Variants in L3MBTL3 observed in about 807,000 individuals in gnomAD.
L3MBTL3 encodes L3MBTL histone methyl-lysine binding protein 3, also known as lethal(3)malignant brain tumor-like protein 3.
In L3MBTL3, 27 loss-of-function variants were observed where a neutral mutation model predicts 102.3. That is an observed-to-expected ratio of 0.26 (90% CI 0.19 to 0.36). The LOEUF (loss-of-function observed/expected upper bound fraction) is 0.36, where lower values mean the gene tolerates loss of function less well. Among genes scored for constraint, L3MBTL3 ranks in the 10% least tolerant of loss-of-function variants. L3MBTL3 has a pLI of 1.00. For missense variants in L3MBTL3, 798 were observed against 955.3 expected (o/e 0.84, Z 2.17); for synonymous variants, 340 against 320.9 (o/e 1.06, Z -0.64).
At chr6:130,020,916 T>C (rs993770151) in intron 1 of L3MBTL3, among the ~76,000 whole-genome samples, 1 of 145,382 alleles carries the variant, frequency 6.9e-6, no homozygotes, top group Non-Finnish European at 1.5e-5. Context: ...TCATTCAGAG[T>C]GCACAGAAAC....
Position 130,133,998 on chromosome 6 carries a change from A to ATC in L3MBTL3, c.2199+93_2199+94insTC. 2.1e-6 allele frequency: 2 copies of ATC among 963,502 alleles called. No homozygotes were observed. The highest frequency in any genetic ancestry group is 3.3e-6 in the Non-Finnish European group (2 of 602,288). 59.7% of individuals were successfully genotyped at this position (963,502 alleles called of 1,614,324 possible). On this transcript the variant is annotated intron_variant, in intron 22 of 22. Transcript: ENST00000361794. This position sits in a 1 kb window ranked among gnomAD's most constrained non-coding sequence, Gnocchi z 4.9. ...GAAATGTGTGGAATTGGCAGAGTCAAAAAGAGATGGGGTGTGTTGAAATTG... is the reference window on the plus strand; with the variant it reads ...GAAATGTGTGGAATTGGCAGAGTCAATCAAAGAGATGGGGTGTGTTGAAATTG...
At chr6:130,112,164 C>A (rs1671149117) in intron 19 of L3MBTL3, among the ~76,000 whole-genome samples, 1 of 152,164 alleles carries the variant, frequency 6.6e-6, no homozygotes, top group African/African-American at 2.4e-5. Context: ...TCTCACGTCC[C>A]AATGCTGTTG....
intron 13 of L3MBTL3, 152 bp downstream of exon 13, chr6:130,071,279 A>G (rs1030805877): frequency 5.0e-5 from 32 of 640,056 alleles, no homozygotes; most frequent in Non-Finnish European, 7.3e-5. Context: ...TACCTGTTCC[A>G]TATGGGATAT....
chr6:130,031,312 T>C (rs577550062), intron 2 of L3MBTL3, among the ~76,000 whole-genome samples: 6 of 152,350 alleles, frequency 3.9e-5, no homozygotes, highest in African/African-American at 1.4e-4. Context: ...AACTCTATCC[T>C]CTAAAACACT....
intron 15 of L3MBTL3, among the ~76,000 whole-genome samples, chr6:130,084,336 A>G (rs1174465357): frequency 3.3e-5 from 5 of 152,154 alleles, no homozygotes. Flanking sequence ...CATGAATTTA[A>G]CAGAAAAGAA....
intron 13 of L3MBTL3, among the ~76,000 whole-genome samples, chr6:130,074,732 A>G (rs997894609): frequency 1.2e-4 from 18 of 152,328 alleles, no homozygotes; most frequent in East Asian, 5.8e-4. Flanking sequence ...GATTTGGTCC[A>G]TTGTTTAGTA....
intron 19 of L3MBTL3, among the ~76,000 whole-genome samples, chr6:130,112,171 G>A (rs758407196): frequency 6.6e-6 from 1 of 152,170 alleles, no homozygotes; most frequent in Non-Finnish European, 1.5e-5. Context: ...TCCCAATGCT[G>A]TTGACGTTCT....
chr6:130,128,157 T>C (rs991698671), intron 20 of L3MBTL3, among the ~76,000 whole-genome samples: 2 of 152,226 alleles, frequency 1.3e-5, no homozygotes, highest in Non-Finnish European at 2.9e-5. Flanking sequence ...CTGACTGTTA[T>C]AAATGTTTTT....
intron 11 of L3MBTL3, 26 bp from the exon 12 acceptor site, chr6:130,068,304 A>C (rs1782397787): frequency 8.1e-7 from 1 of 1,236,724 alleles, no homozygotes; most frequent in South Asian, 1.3e-5. Context: ...TATTTGAATC[A>C]ATCTGTTCAT....
chr6:130,055,079 C>T, intron 7 of L3MBTL3, 92 bp from the exon 8 acceptor site: 2 of 883,166 alleles, frequency 2.3e-6, no homozygotes, highest in South Asian at 1.4e-5. Context: ...AAGAAAAGAA[C>T]AACAGAAAAA....
intron 18 of L3MBTL3, among the ~76,000 whole-genome samples, chr6:130,098,863 CTTT>C (rs11332477): frequency 1.3e-4 from 15 of 118,512 alleles, no homozygotes; most frequent in African/African-American, 1.5e-4. Flanking sequence ...GTGTGTTTTT[CTTT>C]TTTTTTTTTT....
chr6:130,020,193 C>T (rs1205908206), intron 1 of L3MBTL3, among the ~76,000 whole-genome samples: 1 of 149,560 alleles, frequency 6.7e-6, no homozygotes, highest in Non-Finnish European at 1.5e-5. Context: ...TTTGCACACT[C>T]GCGTCCTGGG....
At chr6:130,117,863 C>CTTTTTTTT (rs56787867) in intron 19 of L3MBTL3, among the ~76,000 whole-genome samples, 2 of 53,014 alleles carry the variant, frequency 3.8e-5, no homozygotes, top group Non-Finnish European at 6.8e-5. Context: ...GCACGCCTGA[C>CTTTTTTTT]TTTTTTTTTT....
chr6:130,113,841 T>A (rs910783614), intron 19 of L3MBTL3, among the ~76,000 whole-genome samples: 3 of 152,100 alleles, frequency 2.0e-5, no homozygotes, highest in Non-Finnish European at 2.9e-5. Flanking sequence ...TAACATAAAG[T>A]ATGAAGCTAA....
rs776528853 is a variant in L3MBTL3 at position 130,094,344 on chromosome 6, A to AGCG, written c.1714_1716dup (p.Ala572dup). The AGCG allele has an allele frequency of 6.2e-7, 1 of 1,613,724 alleles. No homozygotes were observed. On this transcript the variant is annotated inframe_insertion, in exon 18 of 23. Coordinates refer to ENST00000361794, the MANE Select transcript of L3MBTL3 (RefSeq NM_032438.4). ...GTAAAGGGATTGGCCATTTCAAGAG[A>AGCG]GCGAGACATCTGGGCCCTCACAGGT...
chr6:130,116,317 C>T (rs1785672922), intron 19 of L3MBTL3, among the ~76,000 whole-genome samples: 1 of 152,090 alleles, frequency 6.6e-6, no homozygotes, highest in Non-Finnish European at 1.5e-5. Flanking sequence ...CCTTGTTTTA[C>T]CAATGATGTA....
chr6:130,038,973 G>T (rs1379269806), intron 2 of L3MBTL3, among the ~76,000 whole-genome samples: 1 of 152,058 alleles, frequency 6.6e-6, no homozygotes, highest in Non-Finnish European at 1.5e-5. Context: ...AATTCCAGCA[G>T]AAATTAGCTG....
intron 19 of L3MBTL3, among the ~76,000 whole-genome samples, chr6:130,115,280 G>A (rs370674261): frequency 6.6e-6 from 1 of 152,104 alleles, no homozygotes; most frequent in Non-Finnish European, 1.5e-5. Context: ...TTGAGCTGCC[G>A]CAAGGTAGCC....
At chr6:130,086,708 A>G (rs755072813) in intron 16 of L3MBTL3, among the ~76,000 whole-genome samples, 31 of 152,326 alleles carry the variant, frequency 2.0e-4, no homozygotes, top group South Asian at 4.1e-4. Context: ...TAAAAGTCAA[A>G]TGCCTCTTAA....
Sources: allele counts gnomAD v4.1 joint callset (sites outside exome capture counted in the v4.1 genomes callset), GRCh38; gene constraint gnomAD v4.1.1; non-coding constraint Gnocchi (gnomAD v3.1); transcripts MANE v1.5; gene names NCBI Gene and HGNC (gene_info 2026-07-23, HGNC 2026-07-21).